The following SORCS3 variants were observed in gnomAD, a reference collection of about 807,000 sequenced individuals.
SORCS3 encodes the protein sortilin related VPS10 domain containing receptor 3, also known as VPS10 domain-containing receptor SorCS3.
A neutral mutation model predicts 146.3 loss-of-function variants in SORCS3; 57 were observed. That is an observed-to-expected ratio of 0.39 (90% confidence interval 0.31 to 0.49). SORCS3 has a LOEUF of 0.49. Ranked by LOEUF, SORCS3 falls within the 20% of genes least tolerant of loss-of-function variation. The probability of loss-of-function intolerance (pLI) is 0.92; values close to 1 mark genes in which losing one functional copy is unlikely to be tolerated. For synonymous variants in SORCS3, 653 were observed against 618.5 expected, an observed-to-expected ratio of 1.06 and a Z score of -0.83; for missense variants, 1,341 against 1,575.5, an observed-to-expected ratio of 0.85 and a Z score of 2.52.
chr10:105,033,215 A>G (rs1301979628), intron 4 of SORCS3, among the ~76,000 whole-genome samples: 1 of 152,250 alleles, frequency 6.6e-6, no homozygotes, highest in African/African-American at 2.4e-5. Flanking sequence ...CCATTCATGC[A>G]CAGCATACTC....
At chr10:104,970,808 A>T (rs1169633343) in intron 3 of SORCS3, among the ~76,000 whole-genome samples, 1 of 152,186 alleles carries the variant, frequency 6.6e-6, no homozygotes, top group African/African-American at 2.4e-5. Flanking sequence ...AAAGACCTAA[A>T]TTTGTTTTAA....
intron 7 of SORCS3, among the ~76,000 whole-genome samples, chr10:105,122,922 GCGTTC>G (rs2055945018): frequency 6.6e-6 from 1 of 152,194 alleles, no homozygotes; most frequent in African/African-American, 2.4e-5. Flanking sequence ...AAGGGAGTTG[GCGTTC>G]CTGGGTTTAA....
chr10:105,033,438 C>G (rs527255731), intron 4 of SORCS3, among the ~76,000 whole-genome samples: 2 of 152,320 alleles, frequency 1.3e-5, no homozygotes, highest in East Asian at 3.9e-4. Flanking sequence ...GTGAAAAGAA[C>G]TGTCCAGGTT....
intron 1 of SORCS3, among the ~76,000 whole-genome samples, chr10:104,705,868 C>G (rs576997437): frequency 1.3e-5 from 2 of 152,298 alleles, no homozygotes; most frequent in South Asian, 4.1e-4. Context: ...TCGAGAACTT[C>G]TGGGGATATG....
chr10:104,818,144 A>C (rs893352727), intron 1 of SORCS3, among the ~76,000 whole-genome samples: 1 of 151,976 alleles, frequency 6.6e-6, no homozygotes, highest in Admixed American at 6.6e-5. Flanking sequence ...GCTCCAGGAA[A>C]CTTTCCTACT....
chr10:104,929,709 T>C (rs1589553519), intron 3 of SORCS3, among the ~76,000 whole-genome samples: 2 of 152,212 alleles, frequency 1.3e-5, no homozygotes, highest in African/African-American at 4.8e-5. Context: ...GGTCCATCAA[T>C]GTGGATCCAG....
intron 16 of SORCS3, among the ~76,000 whole-genome samples, chr10:105,206,196 T>C (rs1011888636): frequency 6.6e-6 from 1 of 152,202 alleles, no homozygotes; most frequent in Non-Finnish European, 1.5e-5. Context: ...ATATACAAAC[T>C]TTATAAAATA....
At chr10:104,665,890 A>T (rs1209251662) in intron 1 of SORCS3, 2 of 152,142 alleles carry the variant, frequency 1.3e-5, no homozygotes, top group Non-Finnish European at 2.9e-5. Flanking sequence ...TCTGGTAAGG[A>T]AGAGTCCGTG....
intron 1 of SORCS3, among the ~76,000 whole-genome samples, chr10:104,655,763 A>T (rs1362510128): frequency 6.6e-6 from 1 of 152,102 alleles, no homozygotes; most frequent in East Asian, 1.9e-4. Context: ...AAAAGTGTGC[A>T]GTGCCTCCTG....
chr10:104,895,170 C>T (rs2018786483), intron 2 of SORCS3, among the ~76,000 whole-genome samples: 1 of 152,214 alleles, frequency 6.6e-6, no homozygotes, highest in East Asian at 1.9e-4. Flanking sequence ...TTTCCTCTGC[C>T]TTCACCCAGC....
At chr10:104,776,709 C>A (rs528490078) in intron 1 of SORCS3, among the ~76,000 whole-genome samples, 1 of 152,000 alleles carries the variant, frequency 6.6e-6, no homozygotes, top group South Asian at 2.1e-4. Flanking sequence ...GAGCCACCCA[C>A]AGCCTTTTCT....
intron 1 of SORCS3, among the ~76,000 whole-genome samples, chr10:104,829,641 T>A (rs753471636): frequency 1.2e-4 from 18 of 152,016 alleles, no homozygotes; most frequent in Non-Finnish European, 2.2e-4. Context: ...CTAGAGAATT[T>A]TTGTAAGAAA....
chr10:104,905,327 A>G (rs185351721), intron 2 of SORCS3, among the ~76,000 whole-genome samples: 405 of 152,256 alleles, frequency 2.7e-3, no homozygotes, highest in Non-Finnish European at 4.4e-3. Flanking sequence ...GAAACTGGGA[A>G]TTTCCTCTTC....
At chr10:105,008,728 C>A (rs2055112979) in intron 4 of SORCS3, among the ~76,000 whole-genome samples, 1 of 152,214 alleles carries the variant, frequency 6.6e-6, no homozygotes, top group African/African-American at 2.4e-5. Context: ...GTCACTGCAA[C>A]CTCCCCCTCG....
chr10:104,758,965 T>C (rs79580936), intron 1 of SORCS3, among the ~76,000 whole-genome samples: 1,861 of 152,286 alleles, frequency 0.012, 21 homozygotes, highest in Middle Eastern at 0.041. Flanking sequence ...AGAATTTACA[T>C]GTTGAAATCC....
intron 8 of SORCS3, among the ~76,000 whole-genome samples, chr10:105,147,078 T>A (rs1206358275): frequency 6.6e-6 from 1 of 152,126 alleles, no homozygotes; most frequent in Non-Finnish European, 1.5e-5. Flanking sequence ...TTCCACTGTA[T>A]ACAACAGATG....
At chr10:104,922,050 G>T (rs1001576775) in intron 3 of SORCS3, among the ~76,000 whole-genome samples, 9 of 152,056 alleles carry the variant, frequency 5.9e-5, no homozygotes, top group African/African-American at 2.2e-4. Context: ...TTGTCAAGCT[G>T]TTCGAGAGGC....
chr10:105,174,605 G>T (rs1275896771), intron 13 of SORCS3, among the ~76,000 whole-genome samples: 1 of 152,018 alleles, frequency 6.6e-6, no homozygotes. Context: ...GAAATCGCTG[G>T]TCTCAGATCG....
chr10:105,061,440 G>A (rs373122527), intron 5 of SORCS3, among the ~76,000 whole-genome samples: 11 of 151,474 alleles, frequency 7.3e-5, no homozygotes, highest in African/African-American at 2.2e-4. Flanking sequence ...GACTACAGGC[G>A]CCTGCCACCA....
Sources: allele counts gnomAD v4.1 joint callset (sites outside exome capture counted in the v4.1 genomes callset), GRCh38; gene constraint gnomAD v4.1.1; transcripts MANE v1.5; gene names NCBI Gene and HGNC (gene_info 2026-07-23, HGNC 2026-07-21).